TSPAN2: variants seen among roughly 807,000 people sequenced by gnomAD.
TSPAN2 encodes tetraspanin 2.
Under a neutral mutation model 33.3 loss-of-function variants are expected in TSPAN2, and 24 were observed. The ratio of observed to expected loss-of-function variants is 0.72; its 90% CI spans 0.52 to 1.01. The LOEUF is 1.01. Ranked by LOEUF, TSPAN2 falls within the 50% of genes least tolerant of loss-of-function variation. TSPAN2 has a pLI of 0.00. For synonymous variants in TSPAN2, 114 were observed against 104.5 expected (o/e 1.09, Z -0.56); for missense variants, 278 against 281.3 (o/e 0.99, Z 0.08).
At chr1:115,072,182 A>G (rs984594045) in intron 2 of TSPAN2, among the ~76,000 whole-genome samples, 2 of 152,156 alleles carry the variant, frequency 1.3e-5, no homozygotes, top group African/African-American at 4.8e-5. Flanking sequence ...CTCAGCCCCT[A>G]CTAAGAACAC....
intron 2 of TSPAN2, among the ~76,000 whole-genome samples, chr1:115,066,053 T>A (rs978500633): frequency 3.3e-5 from 5 of 152,212 alleles, no homozygotes. Context: ...TCTAGTTCCA[T>A]CCATGCTGCT....
intron 6 of TSPAN2, among the ~76,000 whole-genome samples, chr1:115,057,227 A>G (rs1647466080): frequency 6.6e-6 from 1 of 152,114 alleles, no homozygotes; most frequent in Non-Finnish European, 1.5e-5. Context: ...AGCTCCATAA[A>G]TGACACCATC....
intron 2 of TSPAN2, among the ~76,000 whole-genome samples, chr1:115,071,564 G>T (rs1648177934): frequency 6.6e-6 from 1 of 152,020 alleles, no homozygotes; most frequent in African/African-American, 2.4e-5. Flanking sequence ...TTTATTTTTT[G>T]GTATATTTTA....
In TSPAN2 at chr1:115,060,204, CT is replaced by C. The variant is rs796279654; in HGVS notation, c.345+259del. On this transcript the variant is annotated intron_variant, in intron 4 of 7. Transcript: ENST00000369516. ...GGGGAAGAATCTTAAATTAGAGATC[CT>C]TTTTTTTTTGGTTTTATTATAGACC... is the stretch of plus-strand genomic sequence containing the variant. 1.3e-3 allele frequency among the ~76,000 whole-genome samples: 194 copies of C among 147,114 alleles called. 1 individual carries two copies. Among genetic ancestry groups the C allele is most frequent in the African/African-American group, 4.0e-3 (160 of 40,102 alleles).
chr1:115,077,138 C>T (rs1005712705), intron 1 of TSPAN2, among the ~76,000 whole-genome samples: 2 of 151,948 alleles, frequency 1.3e-5, no homozygotes, highest in South Asian at 2.1e-4. Context: ...AAGCTAGTCT[C>T]GAACTCCTGG....
intron 2 of TSPAN2, among the ~76,000 whole-genome samples, chr1:115,063,218 A>T (rs1342881548): frequency 1.3e-5 from 2 of 152,216 alleles, no homozygotes; most frequent in African/African-American, 4.8e-5. Context: ...ACTTAAACAA[A>T]TCAACAAGCA....
intron 6 of TSPAN2, among the ~76,000 whole-genome samples, chr1:115,055,849 A>G (rs946863221): frequency 6.6e-6 from 1 of 152,202 alleles, no homozygotes; most frequent in Non-Finnish European, 1.5e-5. Context: ...ATATGAATAT[A>G]CTACAATTTA....
chr1:115,060,574 A>G lies in TSPAN2; in HGVS notation c.271-36T>C, dbSNP rs180930216. 4 of 1,530,902 alleles carry G rather than the reference A, an allele frequency of 2.6e-6. No individual in the cohort carries two copies. In the African/African-American group the frequency reaches 5.5e-5, roughly 21 times the overall value. The allele number at this position is 1,530,902 out of a possible 1,614,324, so 94.8% of individuals were successfully genotyped here. On this transcript the variant is annotated intron_variant, in intron 3 of 7. Transcript: ENST00000369516. ...GAGAAAATACTAATTTCATTAATTT[A>G]ATACCTTTTCAATTTATATATTTTG...
At chr1:115,088,277 C>A (rs1648921188) in intron 1 of TSPAN2, among the ~76,000 whole-genome samples, 1 of 152,196 alleles carries the variant, frequency 6.6e-6, no homozygotes. Context: ...TAGTTGCAAT[C>A]ATGGGAAGAC....
At chr1:115,069,026 A>T (rs1397078212) in intron 2 of TSPAN2, among the ~76,000 whole-genome samples, 1 of 152,248 alleles carries the variant, frequency 6.6e-6, no homozygotes, top group African/African-American at 2.4e-5. Context: ...TAGTTTCCTT[A>T]TTCTGCGTGG....
At chr1:115,080,762 G>A (rs1451673205) in intron 1 of TSPAN2, among the ~76,000 whole-genome samples, 1 of 152,074 alleles carries the variant, frequency 6.6e-6, no homozygotes, top group African/African-American at 2.4e-5. Context: ...GGATAAGCCC[G>A]GAGAGGAAAA....
At chr1:115,080,760 C>A (rs556626700) in intron 1 of TSPAN2, among the ~76,000 whole-genome samples, 66 of 152,226 alleles carry the variant, frequency 4.3e-4, no homozygotes, top group African/African-American at 1.5e-3. Context: ...GGGGATAAGC[C>A]CGGAGAGGAA....
chr1:115,056,542 C>G (rs923588248), intron 6 of TSPAN2, among the ~76,000 whole-genome samples: 2 of 152,212 alleles, frequency 1.3e-5, no homozygotes. Flanking sequence ...AGGCCTCCCC[C>G]TCCCGCTTTC....
At chr1:115,078,829 T>C (rs187958509) in intron 1 of TSPAN2, among the ~76,000 whole-genome samples, 1 of 152,314 alleles carries the variant, frequency 6.6e-6, no homozygotes, top group East Asian at 1.9e-4. Context: ...ACAACCTCCT[T>C]CACAAGTCTC....
At chr1:115,070,180 A>G (rs1446135923) in intron 2 of TSPAN2, among the ~76,000 whole-genome samples, 2 of 152,120 alleles carry the variant, frequency 1.3e-5, no homozygotes, top group East Asian at 1.9e-4. Context: ...GTCATGAATT[A>G]TTACTGAGAG....
chr1:115,060,446 A>G lies in TSPAN2; in HGVS notation c.345+18T>C. ...CTTTTAACCATCATAGAAAAACATT[A>G]TAAGTAATTTTACTTACTACCCCCT... On this transcript the variant is annotated intron_variant, in intron 4 of 7. Transcript: ENST00000369516. The G allele has an allele frequency of 1.9e-6, 3 of 1,581,328 alleles. No individual in the cohort carries two copies. The highest frequency in any genetic ancestry group is 2.2e-5 in the East Asian group (1 of 44,654).
At chr1:115,059,160 C>G (rs1570968241) in intron 4 of TSPAN2, among the ~76,000 whole-genome samples, 179 bp from the exon 5 acceptor site, 2 of 152,122 alleles carry the variant, frequency 1.3e-5, no homozygotes, top group South Asian at 4.1e-4. Flanking sequence ...GGATAAAAGA[C>G]TGCACATTGG....
At chr1:115,075,853 C>T (rs1648383520) in intron 1 of TSPAN2, among the ~76,000 whole-genome samples, 1 of 151,868 alleles carries the variant, frequency 6.6e-6, no homozygotes, top group Non-Finnish European at 1.5e-5. Context: ...AAATGGGAGG[C>T]TACCATTTTT....
rs1675214783 is a variant in TSPAN2, at chr1:115,048,322, T to C, written c.*2168A>G. The C allele has an allele frequency of 6.7e-6, 1 of 150,060 alleles. No individual in the cohort carries two copies. The highest frequency in any genetic ancestry group is 1.9e-4 in the East Asian group (1 of 5,144). 9.3% of individuals were successfully genotyped at this position (150,060 alleles called of 1,614,324 possible). ...GTCTATACAGATATATATATATATA[T>C]ATTCATCTTTCTGTGTGTGTGTGTA... On this transcript the variant is annotated 3_prime_UTR_variant, in exon 8 of 8. Transcript: ENST00000369516.
Sources: allele counts gnomAD v4.1 joint callset (sites outside exome capture counted in the v4.1 genomes callset), GRCh38; gene constraint gnomAD v4.1.1; transcripts MANE v1.5; gene names NCBI Gene and HGNC (gene_info 2026-07-23, HGNC 2026-07-21).